FAM91A1: variants seen among roughly 807,000 people sequenced by gnomAD.
FAM91A1 encodes the protein protein FAM91A1.
Under a neutral mutation model 113.5 loss-of-function variants are expected in FAM91A1, and 41 were observed. The ratio of observed to expected loss-of-function variants is 0.36; its 90% CI spans 0.28 to 0.47. The LOEUF (loss-of-function observed/expected upper bound fraction) is 0.47, where lower values mean the gene tolerates loss of function less well. FAM91A1 is among the 20% of genes least tolerant of loss of function. The pLI is 1.00. For synonymous variants in FAM91A1, 307 were observed against 347.9 expected, an observed-to-expected ratio of 0.88 and a Z score of 1.31; for missense variants, 696 against 1,001.2, an observed-to-expected ratio of 0.70 and a Z score of 4.11.
At chr8:123,793,796 A>G (rs1177691733) in intron 15 of FAM91A1, among the ~76,000 whole-genome samples, 1 of 152,184 alleles carries the variant, frequency 6.6e-6, no homozygotes, top group Admixed American at 6.6e-5. Context: ...GGAGGCCATT[A>G]TATGTATATA....
Position 123,799,600 on chromosome 8 carries a change from A to G in FAM91A1, c.1641A>G (p.Pro547=), listed in dbSNP as rs1815625939. The change falls in exon 17 of 24, where the codon CCA becomes CCG. Residue 547 remains proline (P), a synonymous_variant. Transcript: ENST00000334705. ...ATCATGTCACTGGACAAGGACCACC[A>G]TCCCTTTTATTGTCCAAAGGTACAA... The part of the protein sequence containing the change: ...YIYHVTGQGP[P]SLLLSKGTRL... 6.2e-7 allele frequency: 1 copy of G among 1,614,090 alleles called. No homozygotes were observed.
At position 123,778,019 on chromosome 8, in the gene FAM91A1, T is replaced by C. The variant is rs778921905; in HGVS notation, c.368-6T>C. ...ATGTTTTTAAAGGAAAGACTCTTTT[T>C]TTCAGGTCTAAGGCTTCTTGGCATA... On this transcript the variant is annotated splice_region_variant and splice_polypyrimidine_tract_variant and intron_variant, in intron 4 of 23. Coordinates refer to ENST00000334705, the MANE Select transcript of FAM91A1 (RefSeq NM_144963.4). The C allele has an allele frequency of 2.5e-6, 4 of 1,610,694 alleles. No homozygotes were observed. Among genetic ancestry groups the C allele is most frequent in the Non-Finnish European group, 3.4e-6 (4 of 1,177,948 alleles).
At chr8:123,777,933 A>G (rs1815026944) in intron 4 of FAM91A1, 92 bp from the exon 5 acceptor site, 1 of 1,086,288 alleles carries the variant, frequency 9.2e-7, no homozygotes, top group African/African-American at 1.6e-5. Flanking sequence ...GAAAGATGAA[A>G]ATAAGCTCGG....
intron 15 of FAM91A1, among the ~76,000 whole-genome samples, chr8:123,791,188 G>T (rs1815374147): frequency 6.6e-6 from 1 of 151,998 alleles, no homozygotes; most frequent in Non-Finnish European, 1.5e-5. Flanking sequence ...TAAAGAAATT[G>T]GAGTTTATAT....
In FAM91A1 at chr8:123,778,789, G is replaced by T; in HGVS notation, c.549+17G>T. The T allele has an allele frequency of 7.2e-7, 1 of 1,395,596 alleles. No homozygotes were observed. The highest frequency in any genetic ancestry group is 1.7e-5 in the South Asian group (1 of 59,152). 86.5% of individuals were successfully genotyped at this position (1,395,596 alleles called of 1,614,324 possible). ...GACATCAAGGTAGAAATCTTTAAAA[G>T]TTAAACATAGAATTTTTATTTTTTA... On this transcript the variant is annotated intron_variant, in intron 6 of 23. Transcript: ENST00000334705.
At chr8:123,777,636 C>A in intron 4 of FAM91A1, among the ~76,000 whole-genome samples, 1 of 152,136 alleles carries the variant, frequency 6.6e-6, no homozygotes. Context: ...AACTTGTGCA[C>A]AGTATTTTTG....
chr8:123,771,876 G>C (rs1814850166), intron 1 of FAM91A1, among the ~76,000 whole-genome samples: 1 of 152,186 alleles, frequency 6.6e-6, no homozygotes, highest in South Asian at 2.1e-4. Flanking sequence ...ATCGCCATTT[G>C]ATCTGATGTA....
chr8:123,786,723 T>C (rs1189044438), intron 12 of FAM91A1, 113 bp downstream of exon 12: 1 of 813,808 alleles, frequency 1.2e-6, no homozygotes, highest in East Asian at 2.6e-5. Context: ...CAATACGCAG[T>C]CTTTGAGTGT....
chr8:123,805,062 C>T (rs568434176), intron 18 of FAM91A1, among the ~76,000 whole-genome samples: 1 of 152,154 alleles, frequency 6.6e-6, no homozygotes, highest in Non-Finnish European at 1.5e-5. Flanking sequence ...CCTATACATT[C>T]AATTTGAGAA....
chr8:123,805,732 A>G (rs915966713), intron 19 of FAM91A1, among the ~76,000 whole-genome samples: 2 of 152,234 alleles, frequency 1.3e-5, no homozygotes, highest in Admixed American at 6.5e-5. Flanking sequence ...TAAAATTTAC[A>G]AAATCTCAAA....
chr8:123,806,066 C>G lies in FAM91A1; in HGVS notation c.1883-14C>G, dbSNP rs765473979. ...AGAAACTGTTCATTAATGTGATGTC[C>G]GTTCTGTTTGTAGAGTTCACTCGTG... On this transcript the variant is annotated splice_polypyrimidine_tract_variant and intron_variant, in intron 19 of 23. Coordinates refer to ENST00000334705, the MANE Select transcript of FAM91A1 (RefSeq NM_144963.4). The G allele has an allele frequency of 1.9e-6, 3 of 1,540,986 alleles. No individual in the cohort carries two copies. Among genetic ancestry groups the G allele is most frequent in the Non-Finnish European group, 1.8e-6 (2 of 1,138,142 alleles).
At chr8:123,796,690 C>G (rs1815528604) in intron 15 of FAM91A1, among the ~76,000 whole-genome samples, 1 of 151,090 alleles carries the variant, frequency 6.6e-6, no homozygotes, top group Admixed American at 6.6e-5. Flanking sequence ...ATCTCCTGAC[C>G]TCGTGGTCTG....
At chr8:123,795,547 CTCAGAA>C (rs1815496343) in intron 15 of FAM91A1, among the ~76,000 whole-genome samples, 1 of 152,168 alleles carries the variant, frequency 6.6e-6, no homozygotes, top group Non-Finnish European at 1.5e-5. Context: ...CTAAGGCCTC[CTCAGAA>C]GCAGAGGCCA....
chr8:123,787,100 C>T (rs1362577269), intron 12 of FAM91A1, among the ~76,000 whole-genome samples, 161 bp from the exon 13 acceptor site: 2 of 152,264 alleles, frequency 1.3e-5, no homozygotes, highest in Non-Finnish European at 2.9e-5. Flanking sequence ...CTTTGCGCTT[C>T]AAAATAGGTA....
intron 18 of FAM91A1, among the ~76,000 whole-genome samples, chr8:123,800,146 T>A (rs1815638857): frequency 6.6e-6 from 1 of 152,020 alleles, no homozygotes; most frequent in African/African-American, 2.4e-5. Flanking sequence ...TATTTTTTTT[T>A]AAATAATAGC....
chr8:123,810,287 A>C lies in FAM91A1; in HGVS notation c.2267A>C (p.Gln756Pro). The change falls in exon 23 of 24, where the codon CAA becomes CCA. Residue 756 changes from glutamine to proline, a missense_variant. Physicochemically the swap from Gln to Pro is moderately conservative, Grantham distance 76. Transcript: ENST00000334705. The part of the protein sequence containing the change: ...AHGLCRKESL[Q>P]NLLHSSRKLS... ...CTCGCCTTTTTTTTTTTCAGCCTTC[A>C]AAACCTCTTACATTCCAGTAGAAAA... 3 of 1,603,486 alleles carry C rather than the reference A, an allele frequency of 1.9e-6. No homozygotes were observed. Among genetic ancestry groups the C allele is most frequent in the Non-Finnish European group, 2.5e-6 (3 of 1,176,984 alleles).
intron 15 of FAM91A1, among the ~76,000 whole-genome samples, chr8:123,792,378 A>G (rs550118903): frequency 2.0e-5 from 3 of 152,334 alleles, no homozygotes; most frequent in African/African-American, 7.2e-5. Flanking sequence ...AGGAGTCCTT[A>G]ATCCCTTGGT....
intron 15 of FAM91A1, among the ~76,000 whole-genome samples, 200 bp from the exon 16 acceptor site, chr8:123,797,890 G>A (rs1174888900): frequency 6.6e-6 from 1 of 152,018 alleles, no homozygotes. Flanking sequence ...TATCTGTCTA[G>A]ACCAGAGAAT....
chr8:123,801,800 A>T (rs899168573), intron 18 of FAM91A1, among the ~76,000 whole-genome samples: 5 of 146,636 alleles, frequency 3.4e-5, no homozygotes, highest in African/African-American at 7.5e-5. Flanking sequence ...CTGGGCAAGG[A>T]TTTTTTTTTT....
Sources: allele counts gnomAD v4.1 joint callset (sites outside exome capture counted in the v4.1 genomes callset), GRCh38; gene constraint gnomAD v4.1.1; transcripts MANE v1.5; gene names NCBI Gene and HGNC (gene_info 2026-07-23, HGNC 2026-07-21).